The following UBE2K variants were observed in gnomAD, a reference collection of about 807,000 sequenced individuals.
UBE2K encodes ubiquitin-conjugating enzyme E2 K.
A neutral mutation model predicts 30.0 loss-of-function variants in UBE2K; 6 were observed. The ratio of observed to expected loss-of-function variants is 0.20; its 90% CI spans 0.11 to 0.39. The LOEUF (loss-of-function observed/expected upper bound fraction) is 0.39. UBE2K is among the 10% of genes least tolerant of loss of function. The pLI, the probability that UBE2K is intolerant of heterozygous loss-of-function variation, is 1.00. For missense variants in UBE2K, 61 were observed against 241.6 expected (o/e 0.25, Z 4.96); for synonymous variants, 86 against 83.7 (o/e 1.03, Z -0.15).
intron 6 of UBE2K, 81 bp downstream of exon 6, chr4:39,777,891 T>A (rs533765618): frequency 7.6e-7 from 1 of 1,317,642 alleles, no homozygotes; most frequent in South Asian, 2.4e-5. Flanking sequence ...AAAAGTGGTT[T>A]AGAAAATAAG....
intron 1 of UBE2K, among the ~76,000 whole-genome samples, chr4:39,720,317 G>T (rs1443836603): frequency 1.6e-5 from 1 of 62,164 alleles, no homozygotes; most frequent in Non-Finnish European, 2.8e-5. Context: ...TAGTGGGAAG[G>T]TAATTTTTTT....
chr4:39,771,338 C>T lies in UBE2K; in HGVS notation c.300-3496C>T, dbSNP rs1196681192. ...AGGCTGTCGGCCACAATGGTCACGT[C>T]GCAGAACCACTCCTCTGCCCGGAGC... On this transcript the variant is annotated intron_variant, in intron 4 of 6. Transcript: ENST00000261427. 8 of 1,612,462 alleles carry T rather than the reference C, an allele frequency of 5.0e-6. No homozygotes were observed. The African/African-American group carries it at 5.3e-5, about 11-fold the overall frequency.
chr4:39,723,282 A>G lies in UBE2K; in HGVS notation c.64-14138A>G, dbSNP rs1023414537. ...GCTGGTCTCGAACTAAGCTCAAGCA[A>G]TCCACCTGCCTCGACCTCCCAAAGT... On this transcript the variant is annotated intron_variant, in intron 1 of 6. Coordinates refer to ENST00000261427, the MANE Select transcript of UBE2K (RefSeq NM_005339.5). Among the ~76,000 whole-genome samples, 7 of 150,512 alleles carry G rather than the reference A, an allele frequency of 4.7e-5. No homozygotes were observed. The East Asian group carries it at 5.9e-4, about 13-fold the overall frequency.
chr4:39,730,200 TA>T (rs1719991809), intron 1 of UBE2K, among the ~76,000 whole-genome samples: 1 of 152,142 alleles, frequency 6.6e-6, no homozygotes, highest in Non-Finnish European at 1.5e-5. Context: ...CTTTTTTTTT[TA>T]AGAGATGGAG....
chr4:39,705,967 T>C (rs1718337307), intron 1 of UBE2K, among the ~76,000 whole-genome samples: 1 of 148,528 alleles, frequency 6.7e-6, no homozygotes, highest in African/African-American at 2.5e-5. Flanking sequence ...CCTCAGCCTC[T>C]GGAATGGCTG....
chr4:39,698,179 G>T lies in UBE2K; in HGVS notation c.-149G>T. 1 of 785,348 alleles carries T rather than the reference G, an allele frequency of 1.3e-6. No individual in the cohort carries two copies. The highest frequency in any genetic ancestry group is 2.2e-6 in the Non-Finnish European group (1 of 457,556). 48.6% of individuals were successfully genotyped at this position (785,348 alleles called of 1,614,324 possible). A position where few individuals can be genotyped will look rare whatever the true frequency, so the allele number is the denominator to read the frequency against. ...CGCGGAGGTGATTCCACACTGAGGC[G>T]AGCGCGGCGGCCGGGGTGGTAGTGG... is the stretch of plus-strand genomic sequence containing the variant. On this transcript the variant is annotated 5_prime_UTR_variant, in exon 1 of 7. Coordinates refer to ENST00000261427, the MANE Select transcript of UBE2K (RefSeq NM_005339.5).
chr4:39,774,059 G>A (rs1458487656), intron 4 of UBE2K, among the ~76,000 whole-genome samples: 1 of 152,180 alleles, frequency 6.6e-6, no homozygotes, highest in Non-Finnish European at 1.5e-5. Context: ...ACCTTTGGGA[G>A]GCCAAGGTGG....
chr4:39,762,062 C>G (rs1290524131), intron 4 of UBE2K, among the ~76,000 whole-genome samples: 1 of 151,788 alleles, frequency 6.6e-6, no homozygotes, highest in Non-Finnish European at 1.5e-5. Flanking sequence ...GCCTGTAATC[C>G]TAGCTACTCT....
At chr4:39,737,783 T>C (rs1295309654) in intron 2 of UBE2K, among the ~76,000 whole-genome samples, 1 of 152,204 alleles carries the variant, frequency 6.6e-6, no homozygotes, top group Non-Finnish European at 1.5e-5. Context: ...ATAAAAGATC[T>C]GGCATGGTAA....
chr4:39,739,183 A>T (rs953039144), intron 2 of UBE2K, among the ~76,000 whole-genome samples: 1 of 151,548 alleles, frequency 6.6e-6, no homozygotes, highest in Non-Finnish European at 1.5e-5. Context: ...ACCCGCCACC[A>T]TGCCCGGCTA....
At chr4:39,771,009 A>G in intron 4 of UBE2K, 1 of 1,611,216 alleles carries the variant, frequency 6.2e-7, no homozygotes, top group South Asian at 1.1e-5. Flanking sequence ...CGCTGCTCAC[A>G]AGGCTAGCCT....
chr4:39,778,634 G>C lies in UBE2K; in HGVS notation c.*200G>C. On this transcript the variant is annotated 3_prime_UTR_variant, in exon 7 of 7. Coordinates refer to ENST00000261427, the MANE Select transcript of UBE2K (RefSeq NM_005339.5). ...TTAAACGTCTGTGTAAATTTAAAAA[G>C]GGGAAATACTTTAATTTTTTTTCTT... 1 of 429,522 alleles carries C rather than the reference G, an allele frequency of 2.3e-6. No homozygotes were observed. The highest frequency in any genetic ancestry group is 4.1e-6 in the Non-Finnish European group (1 of 242,788). 26.6% of individuals were successfully genotyped at this position (429,522 alleles called of 1,614,324 possible).
chr4:39,714,747 TAC>T (rs1270656767), intron 1 of UBE2K, among the ~76,000 whole-genome samples: 5 of 150,396 alleles, frequency 3.3e-5, no homozygotes, highest in African/African-American at 4.9e-5. Flanking sequence ...AGACGGGTTT[TAC>T]CATGTTGGCC....
At chr4:39,753,749 G>A (rs943885532) in intron 3 of UBE2K, among the ~76,000 whole-genome samples, 2 of 152,218 alleles carry the variant, frequency 1.3e-5, no homozygotes, top group African/African-American at 4.8e-5. Context: ...AGTTTAATAT[G>A]ACTTTTTGAG....
chr4:39,700,315 A>G (rs1717936736), intron 1 of UBE2K, among the ~76,000 whole-genome samples: 1 of 152,200 alleles, frequency 6.6e-6, no homozygotes, highest in Non-Finnish European at 1.5e-5. Context: ...TCAGATAAGC[A>G]TCAAAAGTGT....
intron 1 of UBE2K, among the ~76,000 whole-genome samples, chr4:39,716,997 C>CA (rs71194907): frequency 0.28 from 9,625 of 34,598 alleles, 1,542 homozygotes; most frequent in African/African-American, 0.47. Context: ...GACTCCATCT[C>CA]AAAAAAAAAA....
intron 4 of UBE2K, among the ~76,000 whole-genome samples, chr4:39,758,443 G>A (rs964601351): frequency 3.3e-5 from 5 of 152,176 alleles, no homozygotes; most frequent in Admixed American, 6.5e-5. Context: ...TTTAGAAGGC[G>A]GAAGTGGGCA....
chr4:39,734,839 T>G (rs965027346), intron 1 of UBE2K, among the ~76,000 whole-genome samples: 5 of 152,126 alleles, frequency 3.3e-5, no homozygotes, highest in Non-Finnish European at 5.9e-5. Flanking sequence ...TTGGGGGTGA[T>G]GTAGACAGAA....
rs1713530209 is a variant in UBE2K at position 39,780,116 on chromosome 4, T to C, written c.*1682T>C. 6.6e-6 allele frequency: 1 copy of C among 152,216 alleles called. No homozygotes were observed. Among genetic ancestry groups the C allele is most frequent in the South Asian group, 2.1e-4 (1 of 4,838 alleles). The allele number at this position is 152,216 out of a possible 1,614,324, so 9.4% of individuals were successfully genotyped here. On this transcript the variant is annotated 3_prime_UTR_variant, in exon 7 of 7. Transcript: ENST00000261427. ...AACACAAGTTGCTGTTTTTTCCCCA[T>C]ATGTTTGCTTACGCATGTCTTTATA...
Sources: gnomAD v4.1 joint callset for allele counts (sites outside exome capture counted in the v4.1 genomes callset) on GRCh38, gnomAD v4.1.1 for gene constraint, MANE v1.5 for transcripts, NCBI Gene and HGNC (gene_info 2026-07-23, HGNC 2026-07-21) for gene names.